NSD1: variants seen among roughly 807,000 people sequenced by gnomAD.
NSD1 encodes the protein nuclear receptor binding SET domain protein 1.
Under a neutral mutation model 242.7 loss-of-function variants are expected in NSD1, and 26 were observed. That is an observed-to-expected ratio of 0.11 (90% CI 0.08 to 0.15). The LOEUF (loss-of-function observed/expected upper bound fraction) is 0.15, where lower values mean the gene tolerates loss of function less well. NSD1 is among the 10% of genes least tolerant of loss of function. The pLI is 1.00. For synonymous variants in NSD1, 1,106 were observed against 1,178.1 expected (o/e 0.94, Z 1.25); for missense variants, 2,495 against 3,272.8 (o/e 0.76, Z 5.80).
chr5:177,250,883 A>G (rs1249803446), intron 11 of NSD1, among the ~76,000 whole-genome samples: 2 of 152,174 alleles, frequency 1.3e-5, no homozygotes, highest in Non-Finnish European at 2.9e-5. Flanking sequence ...TGCTTTTCAT[A>G]GTAGTACAAG....
intron 2 of NSD1, among the ~76,000 whole-genome samples, chr5:177,165,910 CTTTT>C (rs35871946): frequency 4.5e-5 from 6 of 134,068 alleles, no homozygotes; most frequent in Non-Finnish European, 7.9e-5. Flanking sequence ...AGCCCACAAT[CTTTT>C]TTTTTTTTTT....
At chr5:177,206,985 G>A (rs2149839037) in intron 4 of NSD1, among the ~76,000 whole-genome samples, 1 of 151,820 alleles carries the variant, frequency 6.6e-6, no homozygotes. Flanking sequence ...CGCCCCAGCT[G>A]GAATGCAGTG....
chr5:177,202,329 TCTC>T (rs979219652), intron 3 of NSD1, among the ~76,000 whole-genome samples: 5 of 152,168 alleles, frequency 3.3e-5, no homozygotes, highest in Non-Finnish European at 7.3e-5. Context: ...AGTTCTTTTT[TCTC>T]CTCACGTTGC....
At chr5:177,245,111 T>G (rs376019011) in intron 9 of NSD1, among the ~76,000 whole-genome samples, 1 of 152,162 alleles carries the variant, frequency 6.6e-6, no homozygotes, top group African/African-American at 2.4e-5. Flanking sequence ...AGCTACTTGT[T>G]AAGCTGACAT....
At chr5:177,205,758 C>G (rs1203012333) in intron 4 of NSD1, among the ~76,000 whole-genome samples, 3 of 149,042 alleles carry the variant, frequency 2.0e-5, no homozygotes, top group African/African-American at 7.7e-5. Context: ...ATATTCAATT[C>G]TAGAAGGAGA....
chr5:177,282,675 A>G (rs1758987294), intron 19 of NSD1, 94 bp downstream of exon 19: 11 of 968,682 alleles, frequency 1.1e-5, no homozygotes, highest in Non-Finnish European at 1.8e-5. Context: ...GCAGTTCCCA[A>G]GGTAGGGTCT....
chr5:177,292,566 A>G (rs1010773712), intron 22 of NSD1, among the ~76,000 whole-genome samples: 1 of 152,198 alleles, frequency 6.6e-6, no homozygotes. Flanking sequence ...CTAGAGAAAG[A>G]AAGATTGAGA....
In NSD1 at chr5:177,257,075, C is replaced by G. The variant is rs2149912553; in HGVS notation, c.4890C>G (p.Asn1630Lys). 1 of 1,614,118 alleles carries G rather than the reference C, an allele frequency of 6.2e-7. No individual in the cohort carries two copies. Among genetic ancestry groups the G allele is most frequent in the Non-Finnish European group, 8.5e-7 (1 of 1,180,004 alleles). Residue 1630 changes from asparagine (N) to lysine (K), a missense_variant, in exon 13 of 23, where the codon AAC becomes AAG. This residue lies in a region of NSD1 where 32 missense variants were observed against 46.9 expected (regional missense o/e 0.68). Transcript: ENST00000439151. ...VQKYPPTVMQ[N>K]KGFRCSLHIC... The stretch of plus-strand genomic sequence containing the variant: ...AGTACCCACCCACTGTTATGCAGAA[C>G]AAGGGCTTCCGGTGCTCCCTCCACA...
rs35942745 is a variant in NSD1, at chr5:177,159,030, G to GATAT, written c.927+23015_927+23018dup. ...TATATATATATATATATATATGAAT[G>GATAT]ATATATATATATATATATGAATGAA... On this transcript the variant is annotated intron_variant, in intron 2 of 22. Transcript: ENST00000439151. Among the ~76,000 whole-genome samples the GATAT allele has an allele frequency of 1.8e-3, 203 of 113,806 alleles. 1 individual carries two copies. Among genetic ancestry groups the GATAT allele is most frequent in the African/African-American group, 6.9e-3 (161 of 23,478 alleles). 74.7% of individuals were successfully genotyped at this position (113,806 alleles called of 152,430 possible).
chr5:177,175,917 C>T (rs555209049), intron 2 of NSD1, among the ~76,000 whole-genome samples: 45 of 151,904 alleles, frequency 3.0e-4, no homozygotes, highest in African/African-American at 9.7e-4. Flanking sequence ...GCCCTGTCAC[C>T]CATGTTGGAG....
rs1756262595 is a variant in NSD1, at chr5:177,135,739, C to A, written c.636C>A (p.Asp212Glu). Residue 212 changes from aspartate (D) to glutamate (E), a missense_variant, in exon 2 of 23, where the codon GAC becomes GAA. Coordinates refer to ENST00000439151, the MANE Select transcript of NSD1 (RefSeq NM_022455.5). ...GVKVAMGSEQDSTPESRHGAV... is the reference protein window; with the variant it reads ...GVKVAMGSEQESTPESRHGAV... ...AAGTGGCCATGGGAAGTGAACAAGA[C>A]AGCACACCAGAGAGTAGACACGGTG... The A allele has an allele frequency of 6.2e-7, 1 of 1,614,034 alleles. No individual in the cohort carries two copies.
At position 177,220,563 on chromosome 5, in the gene NSD1, CTT is replaced by C. The variant is rs869220346; in HGVS notation, c.3796+8391_3796+8392del. On this transcript the variant is annotated intron_variant, in intron 5 of 22. Transcript: ENST00000439151. ...TCCATTTTTTTTCTTATAGTAATTG[CTT>C]TTTTTTTTTTTTTTTTTTTTTTGAA... 5.4e-3 allele frequency among the ~76,000 whole-genome samples: 456 copies of C among 84,310 alleles called. 1 individual carries two copies. The highest frequency in any genetic ancestry group is 0.019 in the African/African-American group (409 of 21,504). The allele number at this position is 84,310 out of a possible 152,430, so 55.3% of individuals were successfully genotyped here. A position where few individuals can be genotyped will look rare whatever the true frequency, so the allele number is the denominator to read the frequency against.
intron 5 of NSD1, among the ~76,000 whole-genome samples, chr5:177,214,668 C>CTTT (rs35392696): frequency 8.1e-6 from 1 of 123,696 alleles, no homozygotes. Context: ...ACAGGATCAC[C>CTTT]TTTTTTTTTT....
chr5:177,133,968 G>A lies in NSD1; in HGVS notation c.-18+16G>A, dbSNP rs2149753344. ...GCGGGGCACGGTAACTAGTGCGCTG[G>A]GGTGGGCGGCGGGCAGGCGCGAGGA... On this transcript the variant is annotated intron_variant, in intron 1 of 22. Transcript: ENST00000439151. This position sits in a 1 kb window ranked among gnomAD's most constrained non-coding sequence, Gnocchi z 6.2. 6.4e-6 allele frequency: 1 copy of A among 156,378 alleles called. No individual in the cohort carries two copies. Among genetic ancestry groups the A allele is most frequent in the South Asian group, 1.9e-4 (1 of 5,296 alleles). 9.7% of individuals were successfully genotyped at this position (156,378 alleles called of 1,614,324 possible). A position where few individuals can be genotyped will look rare whatever the true frequency, so the allele number is the denominator to read the frequency against.
At chr5:177,204,442 G>C (rs1023203376) in intron 4 of NSD1, 150 bp downstream of exon 4, 23 of 707,670 alleles carry the variant, frequency 3.3e-5, no homozygotes, top group Non-Finnish European at 1.9e-5. Flanking sequence ...CAACCTCCGC[G>C]TCCCAGGTTC....
At chr5:177,237,991 C>T (rs1017056780) in intron 6 of NSD1, among the ~76,000 whole-genome samples, 1 of 152,168 alleles carries the variant, frequency 6.6e-6, no homozygotes, top group East Asian at 1.9e-4. Flanking sequence ...CAGCCCCTGG[C>T]AATTGCCATT....
rs574133223 is a variant in NSD1, at chr5:177,177,522, A to AAAAAC, written c.928-14347_928-14343dup. ...AAGACTCTTTCTCCCAAAAACAACA[A>AAAAAC]AAAACAAAACAAAACAAAAAAACAG... On this transcript the variant is annotated intron_variant, in intron 2 of 22. Coordinates refer to ENST00000439151, the MANE Select transcript of NSD1 (RefSeq NM_022455.5). Among the ~76,000 whole-genome samples, 1,118 of 152,140 alleles carry AAAAAC rather than the reference A, an allele frequency of 7.3e-3. 6 individuals are homozygous for AAAAAC. Among genetic ancestry groups the AAAAAC allele is most frequent in the Non-Finnish European group, 0.013 (893 of 68,010 alleles).
At chr5:177,200,567 T>C (rs1762437422) in intron 3 of NSD1, among the ~76,000 whole-genome samples, 1 of 152,216 alleles carries the variant, frequency 6.6e-6, no homozygotes, top group Non-Finnish European at 1.5e-5. Flanking sequence ...TTTACCAACA[T>C]CACCATAGCC....
chr5:177,136,110 T>C, intron 2 of NSD1, 80 bp downstream of exon 2: 1 of 1,280,736 alleles, frequency 7.8e-7, no homozygotes, highest in South Asian at 1.3e-5. Flanking sequence ...TGTAACAAAT[T>C]TGTTTTTGGT....
Sources: gnomAD v4.1 joint callset for allele counts (sites outside exome capture counted in the v4.1 genomes callset) on GRCh38, gnomAD v4.1.1 for gene constraint, gnomAD v4.1.1 regional missense constraint, Gnocchi (gnomAD v3.1) non-coding constraint, MANE v1.5 for transcripts, NCBI Gene and HGNC (gene_info 2026-07-23, HGNC 2026-07-21) for gene names.